Variants in SHISA9 observed in about 807,000 individuals in gnomAD.
SHISA9 encodes the protein protein shisa-9.
Under a neutral mutation model 38.0 loss-of-function variants are expected in SHISA9, and 13 were observed. The ratio of observed to expected loss-of-function variants is 0.34; its 90% confidence interval spans 0.22 to 0.54. The LOEUF (loss-of-function observed/expected upper bound fraction) is 0.54, where lower values mean the gene tolerates loss of function less well. SHISA9 is among the 20% of genes least tolerant of loss of function. The pLI, the probability that SHISA9 is intolerant of heterozygous loss-of-function variation, is 0.91. For missense variants in SHISA9, 538 were observed against 575.8 expected, an observed-to-expected ratio of 0.93 and a Z score of 0.67; for synonymous variants, 275 against 242.0, an observed-to-expected ratio of 1.14 and a Z score of -1.27.
chr16:13,350,154 G>C, the SHISA9 span: 1 of 152,268 alleles, frequency 6.6e-6, no homozygotes, highest in Non-Finnish European at 1.5e-5. Flanking sequence ...CAAAGCAAGA[G>C]TGAATTTGTT....
chr16:13,468,458 C>A, the SHISA9 span, among the ~76,000 whole-genome samples: 1 of 152,168 alleles, frequency 6.6e-6, no homozygotes, highest in Non-Finnish European at 1.5e-5. Flanking sequence ...ACAGACTTAT[C>A]CATCCATTTA....
the SHISA9 span, among the ~76,000 whole-genome samples, chr16:13,448,272 A>C: frequency 6.6e-6 from 1 of 152,226 alleles, no homozygotes; most frequent in African/African-American, 2.4e-5. Flanking sequence ...ATTCCAGTGC[A>C]AAAGGCCAGA....
At chr16:13,432,557 A>G in the SHISA9 span, among the ~76,000 whole-genome samples, 58,923 of 152,008 alleles carry the variant, frequency 0.39, 11,640 homozygotes, top group Non-Finnish European at 0.41. Flanking sequence ...CAAATTTAAC[A>G]GTATATTTTT....
chr16:13,136,841 A>G (rs2050354004), intron 2 of SHISA9, among the ~76,000 whole-genome samples: 2 of 152,124 alleles, frequency 1.3e-5, no homozygotes, highest in African/African-American at 4.8e-5. Context: ...TTTTTTTTTG[A>G]CTAATGTCTC....
intron 2 of SHISA9, among the ~76,000 whole-genome samples, chr16:12,939,237 C>T (rs542694273): frequency 3.9e-5 from 6 of 152,108 alleles, no homozygotes; most frequent in South Asian, 2.1e-4. Context: ...GTGCTCACCA[C>T]CACGCCTGGC....
chr16:13,128,732 G>A (rs1160664558), intron 2 of SHISA9, among the ~76,000 whole-genome samples: 3 of 152,206 alleles, frequency 2.0e-5, no homozygotes, highest in Non-Finnish European at 4.4e-5. Context: ...GGTCCCACAT[G>A]TGTATGGGAG....
At chr16:13,035,291 G>A (rs1244657080) in intron 2 of SHISA9, among the ~76,000 whole-genome samples, 1 of 152,150 alleles carries the variant, frequency 6.6e-6, no homozygotes, top group Non-Finnish European at 1.5e-5. Flanking sequence ...GTAACTGTGA[G>A]AATGATGGAG....
At chr16:13,100,738 G>T (rs929742919) in intron 2 of SHISA9, among the ~76,000 whole-genome samples, 1 of 152,012 alleles carries the variant, frequency 6.6e-6, no homozygotes, top group Non-Finnish European at 1.5e-5. Context: ...ATGAGGTTTC[G>T]CTCTTGTTGC....
the SHISA9 span, among the ~76,000 whole-genome samples, chr16:13,511,313 A>G: frequency 6.6e-6 from 1 of 152,236 alleles, no homozygotes; most frequent in East Asian, 1.9e-4. Context: ...AAGCGGAAAT[A>G]CCCAGAGTGA....
the SHISA9 span, among the ~76,000 whole-genome samples, chr16:13,506,534 A>C: frequency 6.6e-6 from 1 of 152,208 alleles, no homozygotes; most frequent in Non-Finnish European, 1.5e-5. Flanking sequence ...TAACTTGAGC[A>C]AAAGACCTGA....
the SHISA9 span, among the ~76,000 whole-genome samples, chr16:13,340,388 A>C: frequency 6.6e-6 from 1 of 152,156 alleles, no homozygotes; most frequent in Non-Finnish European, 1.5e-5. Flanking sequence ...GTGCCTTGTG[A>C]ATTGATGCAT....
At chr16:13,039,485 GTTTTTTTTTT>G (rs5815735) in intron 2 of SHISA9, among the ~76,000 whole-genome samples, 2 of 126,828 alleles carry the variant, frequency 1.6e-5, no homozygotes, top group East Asian at 2.3e-4. Context: ...ATGTCATGGG[GTTTTTTTTTT>G]TTTTTTTTTT....
At chr16:13,562,754 C>G in the SHISA9 span, 1 of 152,002 alleles carries the variant, frequency 6.6e-6, no homozygotes, top group Non-Finnish European at 1.5e-5. Context: ...TGGAAACCTG[C>G]CAGACTCACA....
the SHISA9 span, among the ~76,000 whole-genome samples, chr16:13,276,612 G>A: frequency 6.6e-6 from 1 of 151,928 alleles, no homozygotes; most frequent in African/African-American, 2.4e-5. Flanking sequence ...GGTCATTCTT[G>A]CAGGAGTAAG....
chr16:13,178,208 C>T (rs1211191233), intron 2 of SHISA9, among the ~76,000 whole-genome samples: 1 of 152,114 alleles, frequency 6.6e-6, no homozygotes, highest in African/African-American at 2.4e-5. Context: ...CATGGATCAG[C>T]TACAAGGATG....
intron 2 of SHISA9, among the ~76,000 whole-genome samples, chr16:12,917,221 C>T (rs1207322645): frequency 6.6e-6 from 1 of 152,184 alleles, no homozygotes; most frequent in Non-Finnish European, 1.5e-5. Context: ...CGTCTGCCTC[C>T]TGAGGTAGAC....
At chr16:13,077,937 G>GA (rs898907954) in intron 2 of SHISA9, among the ~76,000 whole-genome samples, 58 of 152,092 alleles carry the variant, frequency 3.8e-4, no homozygotes, top group African/African-American at 1.3e-3. Context: ...CTATAATGAT[G>GA]AAAAAAATAT....
intron 2 of SHISA9, among the ~76,000 whole-genome samples, chr16:13,075,665 G>A (rs1178204080): frequency 2.0e-5 from 3 of 152,124 alleles, no homozygotes; most frequent in Non-Finnish European, 2.9e-5. Context: ...TATGCAAGGC[G>A]CTTCACATAT....
chr16:12,903,809 T>C (rs1041712486), intron 1 of SHISA9, among the ~76,000 whole-genome samples: 11 of 151,830 alleles, frequency 7.2e-5, no homozygotes, highest in Non-Finnish European at 1.3e-4. Flanking sequence ...CCTGTGTGTG[T>C]GCGCGCGTGT....
Sources: allele counts gnomAD v4.1 joint callset (sites outside exome capture counted in the v4.1 genomes callset), GRCh38; gene constraint gnomAD v4.1.1; transcripts MANE v1.5; gene names NCBI Gene and HGNC (gene_info 2026-07-23, HGNC 2026-07-21).